Variants in MYZAP observed in about 807,000 individuals in gnomAD.
MYZAP encodes the protein myocardial zonula adherens protein.
In MYZAP, 66 loss-of-function variants were observed where a neutral mutation model predicts 69.4. That is an observed-to-expected ratio of 0.95 (90% confidence interval 0.78 to 1.17). The LOEUF is 1.17. MYZAP is among the 50% of genes most tolerant of loss of function. The pLI is 0.00. For missense variants in MYZAP, 611 were observed against 556.2 expected (o/e 1.10, Z -0.99); for synonymous variants, 256 against 205.9 (o/e 1.24, Z -2.09).
intron 10 of MYZAP, 84 bp downstream of exon 10, chr15:57,639,629 C>A: frequency 6.7e-7 from 1 of 1,484,424 alleles, no homozygotes. Flanking sequence ...CTTGCCCCTC[C>A]ATTTCCTGTG....
At chr15:57,642,480 T>C (rs1467366380) in intron 10 of MYZAP, among the ~76,000 whole-genome samples, 1 of 152,192 alleles carries the variant, frequency 6.6e-6, no homozygotes. Context: ...TCCCCAGGCA[T>C]ATAGGCAGCC....
chr15:57,592,986 C>A (rs759189537), intron 1 of MYZAP, among the ~76,000 whole-genome samples: 22 of 152,100 alleles, frequency 1.4e-4, no homozygotes, highest in Admixed American at 3.9e-4. Flanking sequence ...CAAAGCAAAA[C>A]CCCCACTGGT....
intron 12 of MYZAP, among the ~76,000 whole-genome samples, chr15:57,683,537 AC>A (rs2039542574): frequency 6.6e-6 from 1 of 152,106 alleles, no homozygotes; most frequent in African/African-American, 2.4e-5. Context: ...GCCTAGTACA[AC>A]CTTTACAGGT....
chr15:57,673,105 T>G (rs1319754622), intron 11 of MYZAP, among the ~76,000 whole-genome samples: 1 of 152,242 alleles, frequency 6.6e-6, no homozygotes, highest in African/African-American at 2.4e-5. Context: ...AGTATACATT[T>G]TTTATTTCTG....
At position 57,684,573 on chromosome 15, in the gene MYZAP, G is replaced by A; in HGVS notation, c.*75G>A. 1.1e-6 allele frequency: 1 copy of A among 934,684 alleles called. No individual in the cohort carries two copies. Among genetic ancestry groups the A allele is most frequent in the African/African-American group, 1.7e-5 (1 of 60,568 alleles). 57.9% of individuals were successfully genotyped at this position (934,684 alleles called of 1,614,324 possible). On this transcript the variant is annotated 3_prime_UTR_variant, in exon 13 of 13. Coordinates refer to ENST00000267853, the MANE Select transcript of MYZAP (RefSeq NM_001018100.5). ...TGTGGCTTCAAATCCTTTGGGAAGG[G>A]TGACTGTTGTTTCCCCTACACACAG...
intron 10 of MYZAP, among the ~76,000 whole-genome samples, chr15:57,644,126 T>C (rs1056501360): frequency 1.3e-5 from 2 of 152,184 alleles, no homozygotes; most frequent in Non-Finnish European, 2.9e-5. Flanking sequence ...ACTCTGCAAG[T>C]GATTCTAATA....
intron 3 of MYZAP, among the ~76,000 whole-genome samples, chr15:57,618,702 C>T (rs1484125261): frequency 6.6e-6 from 1 of 152,174 alleles, no homozygotes; most frequent in East Asian, 1.9e-4. Context: ...GAAATATAAA[C>T]ATGTATGAAG....
At chr15:57,632,143 A>C (rs771176518) in intron 6 of MYZAP, among the ~76,000 whole-genome samples, 2 of 152,200 alleles carry the variant, frequency 1.3e-5, no homozygotes, top group South Asian at 2.1e-4. Flanking sequence ...GCAACTGATG[A>C]GATTGCGTAG....
At chr15:57,642,655 G>C (rs138412142) in intron 10 of MYZAP, among the ~76,000 whole-genome samples, 6 of 152,156 alleles carry the variant, frequency 3.9e-5, no homozygotes, top group African/African-American at 1.2e-4. Flanking sequence ...TTTTTTAAAT[G>C]ATGGGCTTCT....
chr15:57,667,381 C>T (rs1213653737), intron 11 of MYZAP, among the ~76,000 whole-genome samples: 1 of 152,136 alleles, frequency 6.6e-6, no homozygotes, highest in East Asian at 1.9e-4. Context: ...ACATTTTCTC[C>T]CTTCGTGAAA....
At chr15:57,592,148 C>G (rs1474914329) in intron 1 of MYZAP, 39 bp downstream of exon 1, 2 of 1,280,844 alleles carry the variant, frequency 1.6e-6, no homozygotes, top group African/African-American at 3.1e-5. Flanking sequence ...GTCCCGTTCC[C>G]CCATCCCGGC....
intron 11 of MYZAP, among the ~76,000 whole-genome samples, chr15:57,671,236 TG>T (rs2038851486): frequency 6.6e-6 from 1 of 152,140 alleles, no homozygotes; most frequent in African/African-American, 2.4e-5. Context: ...TGGTACTCAT[TG>T]TTTCTGGGTT....
chr15:57,598,390 G>A (rs1335585888), intron 1 of MYZAP, among the ~76,000 whole-genome samples: 2 of 152,166 alleles, frequency 1.3e-5, no homozygotes, highest in Non-Finnish European at 2.9e-5. Context: ...GGAGTTTCAG[G>A]TATATTCTTA....
At chr15:57,643,147 T>A (rs1401911958) in intron 10 of MYZAP, among the ~76,000 whole-genome samples, 1 of 152,216 alleles carries the variant, frequency 6.6e-6, no homozygotes, top group Middle Eastern at 3.4e-3. Context: ...GTGCCTCTTA[T>A]AGCCGGAAAA....
intron 5 of MYZAP, among the ~76,000 whole-genome samples, chr15:57,626,674 C>T (rs550529508): frequency 1.3e-5 from 2 of 152,278 alleles, no homozygotes; most frequent in East Asian, 3.9e-4. Flanking sequence ...TCTTTTTATC[C>T]TCCTCTCAAA....
At chr15:57,624,236 G>A (rs1364611561) in intron 4 of MYZAP, among the ~76,000 whole-genome samples, 1 of 152,102 alleles carries the variant, frequency 6.6e-6, no homozygotes, top group Admixed American at 6.5e-5. Flanking sequence ...TCTATGTGAC[G>A]TACCTTCCAT....
chr15:57,593,214 A>ACACACACACACACACACCCCCC (rs1172761785), intron 1 of MYZAP, among the ~76,000 whole-genome samples: 3 of 141,342 alleles, frequency 2.1e-5, no homozygotes, highest in African/African-American at 8.4e-5. Flanking sequence ...ACACACACAC[A>ACACACACACACACACACCCCCC]CCCCAGAATC....
At chr15:57,658,141 A>T (rs540297512) in intron 10 of MYZAP, among the ~76,000 whole-genome samples, 1 of 152,316 alleles carries the variant, frequency 6.6e-6, no homozygotes, top group South Asian at 2.1e-4. Context: ...CAGAACAGAG[A>T]GAGTAATTGA....
intron 6 of MYZAP, 85 bp downstream of exon 6, chr15:57,629,939 C>T (rs2036396813): frequency 2.0e-6 from 3 of 1,471,070 alleles, no homozygotes; most frequent in South Asian, 2.6e-5. Context: ...TCAACCTTTC[C>T]ATTTCCTTTT....
Sources: allele counts gnomAD v4.1 joint callset (sites outside exome capture counted in the v4.1 genomes callset), GRCh38; gene constraint gnomAD v4.1.1; transcripts MANE v1.5; gene names NCBI Gene and HGNC (gene_info 2026-07-23, HGNC 2026-07-21).